CACNA2D4: variants seen among roughly 807,000 people sequenced by gnomAD.
CACNA2D4 encodes the protein voltage-dependent calcium channel subunit alpha-2/delta-4.
CACNA2D4 carries 157 observed loss-of-function variants against 163.8 expected under a neutral mutation model. That is an observed-to-expected ratio of 0.96 (90% confidence interval 0.84 to 1.09). The LOEUF (loss-of-function observed/expected upper bound fraction) is 1.09, where lower values mean the gene tolerates loss of function less well. Among genes scored for constraint, CACNA2D4 ranks in the 50% least tolerant of loss-of-function variants. The pLI is 0.00. For synonymous variants in CACNA2D4, 598 were observed against 586.9 expected (o/e 1.02, Z -0.27); for missense variants, 1,410 against 1,479.9 (o/e 0.95, Z 0.78).
rs187490176 is a variant in CACNA2D4 at position 1,871,585 on chromosome 12, G to C, written c.1878+3019C>G. ...CTGGTGTGTGTACGTGTGTGTTGCT[G>C]GTGTATGTGTGTACACATGTATGCC... On this transcript the variant is annotated intron_variant, in intron 18 of 37. Coordinates refer to ENST00000382722, the MANE Select transcript of CACNA2D4 (RefSeq NM_172364.5). 3.4e-3 allele frequency among the ~76,000 whole-genome samples: 519 copies of C among 150,838 alleles called. 11 individuals carry two copies. The South Asian group carries it at 0.045, about 13-fold the overall frequency.
intron 12 of CACNA2D4, 176 bp downstream of exon 12, chr12:1,884,067 T>C (rs1866072253): frequency 1.7e-6 from 1 of 575,914 alleles, no homozygotes; most frequent in East Asian, 2.8e-5. Flanking sequence ...GAGCTGACAT[T>C]GTCTCACCTT....
Position 1,840,812 on chromosome 12 carries a change from C to A in CACNA2D4, c.2478G>T (p.Ala826=), listed in dbSNP as rs376350677. 8 of 1,610,102 alleles carry A rather than the reference C, an allele frequency of 5.0e-6. 1 individual carries two copies. In the East Asian group the frequency reaches 1.1e-4, roughly 23 times the overall value. The change falls in exon 26 of 38, where the codon GCG becomes GCT. Residue 826 remains alanine (A), a synonymous_variant. Coordinates refer to ENST00000382722, the MANE Select transcript of CACNA2D4 (RefSeq NM_172364.5). ...NLRWAEGPES[A]GEPMVVTAST... ...TTGCCGTCACCACCATGGGTTCACC[C>A]GCACTTTCTGGGGAAACAGAGACAA...
At chr12:1,914,762 G>T in intron 2 of CACNA2D4, 92 bp downstream of exon 2, 1 of 811,322 alleles carries the variant, frequency 1.2e-6, no homozygotes, top group Non-Finnish European at 2.1e-6. Context: ...TTGATGGGAT[G>T]CCCAAGGCCC....
chr12:1,856,341 G>A, intron 20 of CACNA2D4, 112 bp from the exon 21 acceptor site: 2 of 1,136,956 alleles, frequency 1.8e-6, no homozygotes, highest in Non-Finnish European at 2.6e-6. Context: ...ACTGGGGTCT[G>A]TTCTTTCTTG....
Position 1,874,416 on chromosome 12 carries a change from T to C in CACNA2D4, c.1878+188A>G, listed in dbSNP as rs909092668. On this transcript the variant is annotated intron_variant, in intron 18 of 37. Coordinates refer to ENST00000382722, the MANE Select transcript of CACNA2D4 (RefSeq NM_172364.5). The surrounding 1 kb of genome is among the most constrained non-coding windows in gnomAD (Gnocchi z 4.4). ...AAGCATTGCATGAGCAATCCTGTCA[T>C]TCCCTGGCTAGGTGTTTCTCCAGGG... Among the ~76,000 whole-genome samples the C allele has an allele frequency of 4.6e-5, 7 of 152,172 alleles. No homozygotes were observed. The highest frequency in any genetic ancestry group is 8.8e-5 in the Non-Finnish European group (6 of 68,024).
At chr12:1,892,460 T>A (rs1456252578) in intron 6 of CACNA2D4, among the ~76,000 whole-genome samples, 3 of 151,944 alleles carry the variant, frequency 2.0e-5, no homozygotes, top group African/African-American at 7.3e-5. Context: ...TGAAAACACA[T>A]GAAAGTATAA....
In CACNA2D4 at chr12:1,828,139, G is replaced by C. The variant is rs945939653; in HGVS notation, c.2551+12600C>G. Reference sequence around the variant, plus strand: ...AGAGCGACAGGGCCCGGAGAGCCGTGGGCCTCACCATGCTGGCGCCGGGCA... The same window carrying C: ...AGAGCGACAGGGCCCGGAGAGCCGTCGGCCTCACCATGCTGGCGCCGGGCA... On this transcript the variant is annotated intron_variant, in intron 26 of 37. Transcript: ENST00000382722. This position sits in a 1 kb window ranked among gnomAD's most constrained non-coding sequence, Gnocchi z 4.2. 7 of 1,536,080 alleles carry C rather than the reference G, an allele frequency of 4.6e-6. No homozygotes were observed. The highest frequency in any genetic ancestry group is 6.1e-6 in the Non-Finnish European group (7 of 1,139,994).
chr12:1,831,870 T>C (rs1226844157), intron 26 of CACNA2D4, among the ~76,000 whole-genome samples: 2 of 151,918 alleles, frequency 1.3e-5, no homozygotes, highest in Non-Finnish European at 2.9e-5. Flanking sequence ...ACACCTGGGC[T>C]TTGTATCCCG....
At chr12:1,902,861 C>T (rs1866568729) in intron 6 of CACNA2D4, among the ~76,000 whole-genome samples, 1 of 151,924 alleles carries the variant, frequency 6.6e-6, no homozygotes, top group Non-Finnish European at 1.5e-5. Context: ...ATAGAAGAAA[C>T]AATTCAAAAA....
chr12:1,804,121 CTG>C (rs57706301), intron 29 of CACNA2D4, among the ~76,000 whole-genome samples: 40,500 of 138,746 alleles, frequency 0.29, 5,682 homozygotes, highest in South Asian at 0.36. Flanking sequence ...ATTCTAGTTA[CTG>C]TGTGTGTGTG....
chr12:1,845,959 C>G (rs1036159784), intron 24 of CACNA2D4, among the ~76,000 whole-genome samples: 1 of 152,192 alleles, frequency 6.6e-6, no homozygotes, highest in Non-Finnish European at 1.5e-5. Flanking sequence ...AAAATCACCC[C>G]CAGTTGAACA....
At chr12:1,795,529 G>GTT in intron 36 of CACNA2D4, 139 bp downstream of exon 36, 1 of 946,106 alleles carries the variant, frequency 1.1e-6, no homozygotes, top group Non-Finnish European at 1.6e-6. Flanking sequence ...CCAGGGAAGG[G>GTT]TTAGAGAACA....
intron 1 of CACNA2D4, among the ~76,000 whole-genome samples, chr12:1,915,562 C>T (rs184456491): frequency 4.6e-5 from 7 of 152,366 alleles, no homozygotes; most frequent in East Asian, 3.9e-4. Flanking sequence ...TCTGTTGAAA[C>T]CTCAGAGAAC....
chr12:1,892,770 T>C (rs1159729223), intron 6 of CACNA2D4, among the ~76,000 whole-genome samples: 1 of 151,958 alleles, frequency 6.6e-6, no homozygotes, highest in East Asian at 1.9e-4. Flanking sequence ...TGAAGACATA[T>C]ACAGAATGAA....
In CACNA2D4 at chr12:1,878,467, C is replaced by T. The variant is rs1259472702; in HGVS notation, c.1645-78G>A. Reference sequence around the variant, plus strand: ...CTGGAGTTGGGCAGGGGTTTGGGGGCCACAGGACGGTCAAAGATGGCAGCT... The same window carrying T: ...CTGGAGTTGGGCAGGGGTTTGGGGGTCACAGGACGGTCAAAGATGGCAGCT... On this transcript the variant is annotated intron_variant, in intron 15 of 37. Transcript: ENST00000382722. This position sits in a 1 kb window ranked among gnomAD's most constrained non-coding sequence, Gnocchi z 4.6. The T allele has an allele frequency of 1.5e-5, 24 of 1,551,314 alleles. No homozygotes were observed. The highest frequency in any genetic ancestry group is 2.1e-5 in the Non-Finnish European group (24 of 1,147,738).
Position 1,878,351 on chromosome 12 carries a change from A to G in CACNA2D4, c.1683T>C (p.Asn561=), listed in dbSNP as rs886049129. Residue 561 remains asparagine, a synonymous_variant, in exon 16 of 38, where the codon AAT becomes AAC. Transcript: ENST00000382722. The surrounding 1 kb of genome is among the most constrained non-coding windows in gnomAD (Gnocchi z 4.6). ...GGTCGGGATGGGAGAGGATGTAGCCATTGTTGGTGTTCAGAAAGGCGTATC... is the reference window on the plus strand; with the variant it reads ...GGTCGGGATGGGAGAGGATGTAGCCGTTGTTGGTGTTCAGAAAGGCGTATC... ...VHGYAFLNTN[N]GYILSHPDLR... The G allele has an allele frequency of 4.3e-6, 7 of 1,609,558 alleles. No homozygotes were observed. Among genetic ancestry groups the G allele is most frequent in the Middle Eastern group, 1.7e-4 (1 of 6,060 alleles).
chr12:1,886,134 G>A (rs568445527), intron 8 of CACNA2D4, 89 bp downstream of exon 8: 32 of 1,535,488 alleles, frequency 2.1e-5, no homozygotes, highest in African/African-American at 1.5e-4. Context: ...GCAGGTCACC[G>A]GGTGGTCAGG....
At chr12:1,794,042 TG>T (rs1863044861) in intron 37 of CACNA2D4, among the ~76,000 whole-genome samples, 1 of 152,022 alleles carries the variant, frequency 6.6e-6, no homozygotes, top group Non-Finnish European at 1.5e-5. Flanking sequence ...GCATCTCTGA[TG>T]GGGGTTTCTG....
At chr12:1,909,003 C>T (rs879858909) in intron 4 of CACNA2D4, among the ~76,000 whole-genome samples, 8 of 152,190 alleles carry the variant, frequency 5.3e-5, no homozygotes, top group Non-Finnish European at 7.3e-5. Context: ...GCGTCCCTGC[C>T]CTGCTCAAGC....
Sources: allele counts gnomAD v4.1 joint callset (sites outside exome capture counted in the v4.1 genomes callset), GRCh38; gene constraint gnomAD v4.1.1; non-coding constraint Gnocchi (gnomAD v3.1); transcripts MANE v1.5; gene names NCBI Gene and HGNC (gene_info 2026-07-23, HGNC 2026-07-21).